The following CDK6 variants were observed in gnomAD, a reference collection of about 807,000 sequenced individuals.
The protein encoded by CDK6 is cyclin dependent kinase 6, also known as cyclin-dependent kinase 6.
A neutral mutation model predicts 37.1 loss-of-function variants in CDK6; 6 were observed. The ratio of observed to expected loss-of-function variants is 0.16; its 90% CI spans 0.09 to 0.32. CDK6 has a LOEUF of 0.32. Among genes scored for constraint, CDK6 ranks in the 10% least tolerant of loss-of-function variants. The pLI is 1.00. For synonymous variants in CDK6, 160 were observed against 161.3 expected (o/e 0.99, Z 0.06); for missense variants, 224 against 418.9 (o/e 0.53, Z 4.06).
chr7:92,700,265 G>A (rs1797813120), intron 4 of CDK6, among the ~76,000 whole-genome samples: 1 of 152,180 alleles, frequency 6.6e-6, no homozygotes, highest in African/African-American at 2.4e-5. Context: ...TGCAGGGCGT[G>A]TATGTCAGAT....
At position 92,610,460 on chromosome 7, in the gene CDK6, C is replaced by A. The variant is rs1795537835; in HGVS notation, c.*4680G>T. 1 of 230,984 alleles carries A rather than the reference C, an allele frequency of 4.3e-6. No individual in the cohort carries two copies. Among genetic ancestry groups the A allele is most frequent in the Non-Finnish European group, 8.6e-6 (1 of 116,672 alleles). The allele number at this position is 230,984 out of a possible 1,614,324, so 14.3% of individuals were successfully genotyped here. ...GAGAAAAAAACGTGTAAAAATTGGA[C>A]CCCTTCTGTTTTTACATTTCTGTTG... On this transcript the variant is annotated 3_prime_UTR_variant, in exon 8 of 8. Transcript: ENST00000424848.
At chr7:92,696,442 T>A (rs1018104280) in intron 4 of CDK6, among the ~76,000 whole-genome samples, 1 of 152,228 alleles carries the variant, frequency 6.6e-6, no homozygotes. Context: ...TTATTCTTAA[T>A]GCTAAGAAGA....
chr7:92,817,782 A>G (rs557747676), intron 2 of CDK6, among the ~76,000 whole-genome samples: 1 of 152,056 alleles, frequency 6.6e-6, no homozygotes, highest in South Asian at 2.1e-4. Context: ...CAGACTAATA[A>G]GGGAGTTTTT....
At chr7:92,686,332 C>T (rs1454132188) in intron 4 of CDK6, among the ~76,000 whole-genome samples, 3 of 152,122 alleles carry the variant, frequency 2.0e-5, no homozygotes, top group African/African-American at 7.2e-5. Flanking sequence ...ATTCTTATGC[C>T]TTTGCATCCT....
At chr7:92,617,944 T>G (rs1314162265) in intron 7 of CDK6, 128 bp downstream of exon 7, 24 of 828,354 alleles carry the variant, frequency 2.9e-5, no homozygotes, top group Non-Finnish European at 1.8e-6. Context: ...TGCCTCCTGC[T>G]CCATGTGGCT....
At chr7:92,618,030 C>T (rs1795719089) in intron 7 of CDK6, 42 bp downstream of exon 7, 5 of 1,605,440 alleles carry the variant, frequency 3.1e-6, no homozygotes. Context: ...GCAGGTGTCT[C>T]ACTGGCACAG....
intron 2 of CDK6, among the ~76,000 whole-genome samples, chr7:92,784,049 A>G (rs761268567): frequency 6.6e-6 from 1 of 151,930 alleles, no homozygotes; most frequent in African/African-American, 2.4e-5. Flanking sequence ...CTGTAGCATC[A>G]CTCTGTTATG....
rs1795587960 is a variant in CDK6 at position 92,612,691 on chromosome 7, A to T, written c.*2449T>A. On this transcript the variant is annotated 3_prime_UTR_variant, in exon 8 of 8. Coordinates refer to ENST00000424848, the MANE Select transcript of CDK6 (RefSeq NM_001145306.2). ...TAGAAATGAGTCAAAAGCAGATGCT[A>T]GGAATAAAAGTTGAGCTCTCTACTC... 1 of 233,054 alleles carries T rather than the reference A, an allele frequency of 4.3e-6. No individual in the cohort carries two copies. The highest frequency in any genetic ancestry group is 8.5e-6 in the Non-Finnish European group (1 of 117,980). 14.4% of individuals were successfully genotyped at this position (233,054 alleles called of 1,614,324 possible).
chr7:92,750,611 C>A (rs1204564256), intron 3 of CDK6, among the ~76,000 whole-genome samples: 3 of 152,116 alleles, frequency 2.0e-5, no homozygotes, highest in Non-Finnish European at 4.4e-5. Context: ...TTGTAACAAG[C>A]CATTTCTAAA....
At chr7:92,697,027 T>C (rs1484963933) in intron 4 of CDK6, among the ~76,000 whole-genome samples, 3 of 152,236 alleles carry the variant, frequency 2.0e-5, no homozygotes, top group South Asian at 2.1e-4. Context: ...CCATCTATAA[T>C]GTCACAAAGT....
At position 92,609,356 on chromosome 7, in the gene CDK6, T is replaced by G. The variant is rs1047759889; in HGVS notation, c.*5784A>C. ...TAGACTTGTAAATTTAAAAAAAGTATATAAAGTTGCCAAAAAACTTCAAAA... is the reference window on the plus strand; with the variant it reads ...TAGACTTGTAAATTTAAAAAAAGTAGATAAAGTTGCCAAAAAACTTCAAAA... On this transcript the variant is annotated 3_prime_UTR_variant, in exon 8 of 8. Transcript: ENST00000424848. 5 of 231,274 alleles carry G rather than the reference T, an allele frequency of 2.2e-5. No individual in the cohort carries two copies. Among genetic ancestry groups the G allele is most frequent in the African/African-American group, 8.8e-5 (4 of 45,244 alleles). The allele number at this position is 231,274 out of a possible 1,614,324, so 14.3% of individuals were successfully genotyped here. A position where few individuals can be genotyped will look rare whatever the true frequency, so the allele number is the denominator to read the frequency against.
At chr7:92,818,337 C>G (rs116628854) in intron 2 of CDK6, among the ~76,000 whole-genome samples, 107 of 151,926 alleles carry the variant, frequency 7.0e-4, no homozygotes, top group African/African-American at 2.3e-3. Flanking sequence ...CAAGGTAATT[C>G]AAAATGAAGA....
At chr7:92,623,826 A>G (rs931786435) in intron 5 of CDK6, among the ~76,000 whole-genome samples, 12 of 152,124 alleles carry the variant, frequency 7.9e-5, no homozygotes, top group African/African-American at 2.7e-4. Context: ...ATAGAGCTTT[A>G]CTCTGACAGA....
chr7:92,666,157 G>A (rs555426976), intron 5 of CDK6, among the ~76,000 whole-genome samples: 2 of 152,228 alleles, frequency 1.3e-5, no homozygotes, highest in South Asian at 2.1e-4. Flanking sequence ...ACTAGGATGC[G>A]ACCTCTAAAG....
intron 4 of CDK6, among the ~76,000 whole-genome samples, chr7:92,712,987 T>C (rs1299686800): frequency 6.6e-6 from 1 of 152,080 alleles, no homozygotes; most frequent in Non-Finnish European, 1.5e-5. Context: ...CCCCAGCCTG[T>C]AGCTGGGACT....
intron 4 of CDK6, among the ~76,000 whole-genome samples, chr7:92,685,440 C>T (rs181994168): frequency 1.3e-5 from 2 of 152,304 alleles, no homozygotes; most frequent in Admixed American, 1.3e-4. Context: ...TAAAACTTGG[C>T]TTCTAACTCA....
intron 5 of CDK6, among the ~76,000 whole-genome samples, chr7:92,630,947 G>A (rs1229567081): frequency 6.6e-6 from 1 of 152,110 alleles, no homozygotes; most frequent in African/African-American, 2.4e-5. Flanking sequence ...ATTATTAACT[G>A]GGCTCAGGGC....
chr7:92,694,754 T>C (rs1797670669), intron 4 of CDK6, among the ~76,000 whole-genome samples: 1 of 152,128 alleles, frequency 6.6e-6, no homozygotes, highest in Non-Finnish European at 1.5e-5. Flanking sequence ...TAGGTAAGCA[T>C]CCAAATTTAT....
chr7:92,770,672 G>A (rs915744715), intron 3 of CDK6, among the ~76,000 whole-genome samples: 34 of 152,174 alleles, frequency 2.2e-4, no homozygotes, highest in African/African-American at 7.5e-4. Flanking sequence ...CAAACGTGTT[G>A]ATGAAATGAT....
Sources: allele counts gnomAD v4.1 joint callset (sites outside exome capture counted in the v4.1 genomes callset), GRCh38; gene constraint gnomAD v4.1.1; transcripts MANE v1.5; gene names NCBI Gene and HGNC (gene_info 2026-07-23, HGNC 2026-07-21).